ZNF69: variants seen among roughly 807,000 people sequenced by gnomAD.
The protein encoded by ZNF69 is ZNF3.
ZNF69 carries 47 observed loss-of-function variants against 50.9 expected under a neutral mutation model. The ratio of observed to expected loss-of-function variants is 0.92; its 90% CI spans 0.73 to 1.18. The LOEUF (loss-of-function observed/expected upper bound fraction) is 1.18, where lower values mean the gene tolerates loss of function less well. ZNF69 is among the 50% of genes most tolerant of loss of function. The pLI, the probability that ZNF69 is intolerant of heterozygous loss-of-function variation, is 0.00. For missense variants in ZNF69, 717 were observed against 675.1 expected, an observed-to-expected ratio of 1.06 and a Z score of -0.69; for synonymous variants, 216 against 223.1, an observed-to-expected ratio of 0.97 and a Z score of 0.29.
chr19:11,960,309 C>T, the ZNF69 span, among the ~76,000 whole-genome samples: 1 of 152,184 alleles, frequency 6.6e-6, no homozygotes, highest in Non-Finnish European at 1.5e-5. Context: ...TGCGCCACTG[C>T]GCCCGTCTCT....
At chr19:11,943,994 C>T in the ZNF69 span, among the ~76,000 whole-genome samples, 363 of 151,996 alleles carry the variant, frequency 2.4e-3, 3 homozygotes, top group African/African-American at 8.1e-3. Context: ...GGATCCAGGC[C>T]GGGATTCCCT....
chr19:11,904,527 C>T lies in ZNF69; in HGVS notation c.252-122C>T, dbSNP rs1599357461. On this transcript the variant is annotated intron_variant, in intron 3 of 3. Coordinates refer to ENST00000429654, the MANE Select transcript of ZNF69 (RefSeq NM_001364730.1). Reference sequence around the variant, plus strand: ...GTTGTCCAGTCACCTTCAAACAATTCAGACAGGGCAGAAAGCCTACACTTT... The same window carrying T: ...GTTGTCCAGTCACCTTCAAACAATTTAGACAGGGCAGAAAGCCTACACTTT... 4.4e-6 allele frequency: 6 copies of T among 1,367,494 alleles called. No individual in the cohort carries two copies. In the East Asian group the frequency reaches 1.2e-4, roughly 28 times the overall value. 84.7% of individuals were successfully genotyped at this position (1,367,494 alleles called of 1,614,324 possible).
At chr19:11,935,331 G>C in the ZNF69 span, among the ~76,000 whole-genome samples, 24,087 of 145,780 alleles carry the variant, frequency 0.17, 4,212 homozygotes, top group African/African-American at 0.45. Context: ...CTGCCTCCCA[G>C]GTTCAAGTGA....
the ZNF69 span, among the ~76,000 whole-genome samples, chr19:11,920,805 C>A: frequency 3.3e-5 from 5 of 152,288 alleles, no homozygotes; most frequent in Middle Eastern, 6.8e-3. Context: ...ATTCCACCTG[C>A]TGGAAAGCAT....
At chr19:11,978,454 G>A in the ZNF69 span, 1 of 1,614,164 alleles carries the variant, frequency 6.2e-7, no homozygotes, top group East Asian at 2.2e-5. Context: ...TGTAAAGAAT[G>A]TGGAAAAACC....
At chr19:11,918,352 G>A (rs141440363), downstream of ZNF69, among the ~76,000 whole-genome samples, 151 of 152,216 alleles carry the variant, frequency 9.9e-4, no homozygotes, top group African/African-American at 3.3e-3. Context: ...CAGAATCTCT[G>A]TGTGATTATT....
At chr19:11,895,847 G>A (rs889946409) in intron 1 of ZNF69, among the ~76,000 whole-genome samples, 3 of 152,074 alleles carry the variant, frequency 2.0e-5, no homozygotes, top group African/African-American at 7.2e-5. Flanking sequence ...ACCATTTGTC[G>A]CTGCTTTTTC....
the ZNF69 span, among the ~76,000 whole-genome samples, chr19:11,935,822 A>G: frequency 2.6e-5 from 4 of 152,180 alleles, no homozygotes; most frequent in Non-Finnish European, 4.4e-5. Flanking sequence ...CTTGTCATTT[A>G]CATTCGGTAT....
chr19:11,932,475 C>T, the ZNF69 span, among the ~76,000 whole-genome samples: 2 of 148,454 alleles, frequency 1.3e-5, no homozygotes, highest in East Asian at 3.9e-4. Context: ...ATTACATATG[C>T]ACAAAATACA....
chr19:11,975,912 G>T, the ZNF69 span, among the ~76,000 whole-genome samples: 1 of 151,534 alleles, frequency 6.6e-6, no homozygotes, highest in Non-Finnish European at 1.5e-5. Context: ...TACAGTGCCA[G>T]GTTTTTCTTA....
the ZNF69 span, among the ~76,000 whole-genome samples, chr19:11,970,214 C>T: frequency 6.6e-6 from 1 of 152,210 alleles, no homozygotes; most frequent in Non-Finnish European, 1.5e-5. Flanking sequence ...TTCCTGTCCT[C>T]TGGATTGTCT....
At chr19:11,938,489 G>T in the ZNF69 span, among the ~76,000 whole-genome samples, 2 of 152,030 alleles carry the variant, frequency 1.3e-5, no homozygotes, top group African/African-American at 2.4e-5. Context: ...GCGGTGTTTG[G>T]TTTTCTGTCC....
At chr19:11,917,318 G>A (rs1972530847), downstream of ZNF69, among the ~76,000 whole-genome samples, 1 of 152,208 alleles carries the variant, frequency 6.6e-6, no homozygotes, top group South Asian at 2.1e-4. Flanking sequence ...GTGGTCTTTG[G>A]TGGGCATTGA....
chr19:11,917,560 T>G (rs1008006517), downstream of ZNF69, among the ~76,000 whole-genome samples: 3 of 152,230 alleles, frequency 2.0e-5, no homozygotes, highest in African/African-American at 7.2e-5. Flanking sequence ...CTACCTGAGC[T>G]GCCTCCCTTT....
At chr19:11,963,588 C>A in the ZNF69 span, among the ~76,000 whole-genome samples, 2 of 152,128 alleles carry the variant, frequency 1.3e-5, no homozygotes, top group African/African-American at 4.8e-5. Flanking sequence ...TCATCAGAGC[C>A]TTCCTCTTCA....
chr19:11,897,998 T>C (rs951432658), intron 1 of ZNF69, among the ~76,000 whole-genome samples: 6 of 152,204 alleles, frequency 3.9e-5, no homozygotes, highest in Non-Finnish European at 7.3e-5. Context: ...TATTTCTGTA[T>C]AGAGTGTGCA....
intron 1 of ZNF69, among the ~76,000 whole-genome samples, chr19:11,892,619 T>TA (rs1265946328): frequency 1.2e-4 from 18 of 150,242 alleles, no homozygotes; most frequent in Admixed American, 4.6e-4. Flanking sequence ...ATTAAATAAA[T>TA]AAAAAAAAAG....
At position 11,906,691 on chromosome 19, in the gene ZNF69, C is replaced by T. The variant is rs1476856469; in HGVS notation, c.*593C>T. On this transcript the variant is annotated 3_prime_UTR_variant, in exon 4 of 4. Coordinates refer to ENST00000429654, the MANE Select transcript of ZNF69 (RefSeq NM_001364730.1). Reference sequence around the variant, plus strand: ...ATCTGTACATCACCATCATCAAAGACCAAAAGTAGATAAAACCACAAAGAT... The same window carrying T: ...ATCTGTACATCACCATCATCAAAGATCAAAAGTAGATAAAACCACAAAGAT... Among the ~76,000 whole-genome samples the T allele has an allele frequency of 1.3e-5, 2 of 152,128 alleles. No homozygotes were observed. Among genetic ancestry groups the T allele is most frequent in the Non-Finnish European group, 2.9e-5 (2 of 68,028 alleles).
Position 11,893,593 on chromosome 19 carries a change from A to T in ZNF69, c.63+5607A>T, listed in dbSNP as rs185317504. Among the ~76,000 whole-genome samples, 32 of 152,288 alleles carry T rather than the reference A, an allele frequency of 2.1e-4. 1 individual carries two copies. The East Asian group carries it at 4.6e-3, about 22-fold the overall frequency. ...TGGGATGCGGTTCCTTTCTGGAAAC[A>T]TTACAGGGTGATGTGTCTTCAGTGC... On this transcript the variant is annotated intron_variant, in intron 1 of 3. Coordinates refer to ENST00000429654, the MANE Select transcript of ZNF69 (RefSeq NM_001364730.1).
Sources: allele counts gnomAD v4.1 joint callset (sites outside exome capture counted in the v4.1 genomes callset), GRCh38; gene constraint gnomAD v4.1.1; transcripts MANE v1.5; gene names NCBI Gene and HGNC (gene_info 2026-07-23, HGNC 2026-07-21).